Variants in LYZL2 observed in about 807,000 individuals in gnomAD.
LYZL2 encodes the protein lysozyme like 2, also known as lysozyme-like protein 2.
LYZL2 carries 13 observed loss-of-function variants against 17.1 expected under a neutral mutation model. The observed-to-expected ratio is 0.76, with a 90% confidence interval of 0.49 to 1.21. LYZL2 has a LOEUF of 1.21. Ranked by LOEUF, LYZL2 falls within the 50% of genes most tolerant of loss-of-function variation. LYZL2 has a pLI of 0.00. For missense variants in LYZL2, 166 were observed against 189.2 expected (o/e 0.88, Z 0.72); for synonymous variants, 63 against 74.4 (o/e 0.85, Z 0.79).
intron 1 of LYZL2, among the ~76,000 whole-genome samples, chr10:30,627,813 C>G (rs405356): frequency 0.054 from 8,219 of 152,212 alleles, 317 homozygotes; most frequent in African/African-American, 0.11. Flanking sequence ...GAAACAGACA[C>G]CCCATTTCAG....
chr10:30,621,253 A>G (rs1445048773), intron 3 of LYZL2, among the ~76,000 whole-genome samples: 1 of 152,154 alleles, frequency 6.6e-6, no homozygotes, highest in African/African-American at 2.4e-5. Context: ...TTCCCATCAT[A>G]CACAAGGCAA....
At chr10:30,609,889 G>A (rs1301401085), downstream of LYZL2, among the ~76,000 whole-genome samples, 1 of 152,124 alleles carries the variant, frequency 6.6e-6, no homozygotes, top group Admixed American at 6.5e-5. Context: ...TCAAATATGG[G>A]GGAAGAGTAG....
At chr10:30,614,161 A>G (rs1038126294) in intron 3 of LYZL2, among the ~76,000 whole-genome samples, 2 of 152,250 alleles carry the variant, frequency 1.3e-5, no homozygotes, top group African/African-American at 2.4e-5. Flanking sequence ...AAACAAGTTC[A>G]ACATTACTTC....
chr10:30,610,823 G>A (rs76370228), downstream of LYZL2, among the ~76,000 whole-genome samples: 1,432 of 152,146 alleles, frequency 9.4e-3, 16 homozygotes, highest in Non-Finnish European at 0.016. Context: ...GGAAAATGCC[G>A]AATGCAAAAT....
intron 3 of LYZL2, among the ~76,000 whole-genome samples, chr10:30,619,971 C>A (rs2132944024): frequency 6.6e-6 from 1 of 152,226 alleles, no homozygotes; most frequent in East Asian, 1.9e-4. Context: ...CTGCAATTTT[C>A]TGTTTGGCAC....
intron 1 of LYZL2, 139 bp downstream of exon 1, chr10:30,629,454 A>T: frequency 1.3e-6 from 1 of 767,078 alleles, no homozygotes; most frequent in Non-Finnish European, 2.0e-6. Context: ...TCTGCCTTAG[A>T]ATGTTAACTG....
chr10:30,619,935 C>A (rs1488374925), intron 3 of LYZL2, among the ~76,000 whole-genome samples: 2 of 152,006 alleles, frequency 1.3e-5, no homozygotes, highest in Non-Finnish European at 2.9e-5. Context: ...GAAAAATTCA[C>A]AAAAATCTGC....
At chr10:30,626,754 G>C (rs763620360) in intron 2 of LYZL2, 23 bp downstream of exon 2, 1 of 1,614,000 alleles carries the variant, frequency 6.2e-7, no homozygotes, top group African/African-American at 1.3e-5. Flanking sequence ...GACAGAAAGA[G>C]AGCAGGAAAG....
chr10:30,628,678 A>G (rs1161526977), intron 1 of LYZL2, among the ~76,000 whole-genome samples: 2 of 152,200 alleles, frequency 1.3e-5, no homozygotes, highest in Non-Finnish European at 1.5e-5. Flanking sequence ...TCTAGTCATT[A>G]GTTTCTCTCC....
intron 3 of LYZL2, among the ~76,000 whole-genome samples, chr10:30,619,716 T>C (rs935942603): frequency 2.0e-5 from 3 of 151,956 alleles, no homozygotes; most frequent in Admixed American, 6.6e-5. Context: ...TTAGGAGATA[T>C]ACCTAATGCT....
At chr10:30,624,427 C>T (rs1838672013) in intron 3 of LYZL2, among the ~76,000 whole-genome samples, 1 of 152,208 alleles carries the variant, frequency 6.6e-6, no homozygotes, top group African/African-American at 2.4e-5. Context: ...ACCTTTTGTA[C>T]CTCAGTGCTG....
At chr10:30,617,370 T>C (rs1032445251) in intron 3 of LYZL2, among the ~76,000 whole-genome samples, 2 of 152,092 alleles carry the variant, frequency 1.3e-5, no homozygotes, top group Non-Finnish European at 2.9e-5. Flanking sequence ...TGGACACAAC[T>C]GAATTTCCTT....
chr10:30,610,355 T>G (rs1270300994), downstream of LYZL2, among the ~76,000 whole-genome samples: 1 of 152,080 alleles, frequency 6.6e-6, no homozygotes, highest in African/African-American at 2.4e-5. Context: ...AAAAAAAATG[T>G]TGCAGCCATA....
At chr10:30,616,163 C>T (rs1838524421) in intron 3 of LYZL2, among the ~76,000 whole-genome samples, 1 of 152,144 alleles carries the variant, frequency 6.6e-6, no homozygotes, top group Non-Finnish European at 1.5e-5. Flanking sequence ...AATTTTGTTG[C>T]TTTCTCAGTT....
intron 3 of LYZL2, among the ~76,000 whole-genome samples, chr10:30,621,934 G>T (rs1462127557): frequency 6.6e-6 from 1 of 151,976 alleles, no homozygotes; most frequent in Admixed American, 6.6e-5. Context: ...GCATTGTGAG[G>T]TACACAAATA....
chr10:30,628,138 C>T (rs1264102994), intron 1 of LYZL2, among the ~76,000 whole-genome samples: 6 of 151,382 alleles, frequency 4.0e-5, no homozygotes, highest in South Asian at 2.1e-4. Flanking sequence ...CCAGCCTGGG[C>T]GACAGAGCGA....
intron 3 of LYZL2, among the ~76,000 whole-genome samples, chr10:30,614,065 T>C (rs1838490986): frequency 6.6e-6 from 1 of 152,214 alleles, no homozygotes; most frequent in South Asian, 2.1e-4. Context: ...TGAAATGTAT[T>C]AGTTGATATC....
the LYZL2 span, among the ~76,000 whole-genome samples, chr10:30,606,441 C>T: frequency 2.7e-5 from 4 of 146,820 alleles, no homozygotes; most frequent in African/African-American, 1.0e-4. Flanking sequence ...TAGCCTTGAA[C>T]TTCCAGGATC....
chr10:30,614,757 C>G (rs1235979477), intron 3 of LYZL2, among the ~76,000 whole-genome samples: 1 of 152,136 alleles, frequency 6.6e-6, no homozygotes, highest in African/African-American at 2.4e-5. Context: ...AGGAAACCAA[C>G]ATAGCAGCAT....
Sources: allele counts gnomAD v4.1 joint callset (sites outside exome capture counted in the v4.1 genomes callset), GRCh38; gene constraint gnomAD v4.1.1; transcripts MANE v1.5; gene names NCBI Gene and HGNC (gene_info 2026-07-23, HGNC 2026-07-21).